The following INTS9 variants were observed in gnomAD, a reference collection of about 807,000 sequenced individuals.
INTS9 encodes integrator complex subunit 9, also known as protein related to CPSF subunits of 74 kDa.
In INTS9, 55 loss-of-function variants were observed where a neutral mutation model predicts 79.7. The observed-to-expected ratio is 0.69, with a 90% confidence interval of 0.56 to 0.86. INTS9 has a LOEUF of 0.86. INTS9 is among the 40% of genes least tolerant of loss of function. INTS9 has a pLI of 0.00. For missense variants in INTS9, 721 were observed against 831.5 expected (o/e 0.87, Z 1.64); for synonymous variants, 319 against 325.2 (o/e 0.98, Z 0.20).
At chr8:28,812,623 C>G (rs1441566468) in intron 7 of INTS9, among the ~76,000 whole-genome samples, 162 bp from the exon 8 acceptor site, 2 of 152,198 alleles carry the variant, frequency 1.3e-5, no homozygotes, top group Admixed American at 6.5e-5. Context: ...GTAATCCCAG[C>G]ACTTTGGGAG....
chr8:28,851,287 T>C (rs1807815851), intron 2 of INTS9, among the ~76,000 whole-genome samples: 1 of 152,006 alleles, frequency 6.6e-6, no homozygotes, highest in African/African-American at 2.4e-5. Context: ...AATTAGATGA[T>C]AGGTATGAAA....
In INTS9 at chr8:28,868,869, G is replaced by A. The variant is rs114419130; in HGVS notation, c.10-9306C>T. 3.4e-3 allele frequency among the ~76,000 whole-genome samples: 512 copies of A among 152,066 alleles called. 3 individuals carry two copies. Among genetic ancestry groups the A allele is most frequent in the African/African-American group, 0.012 (486 of 41,412 alleles). On this transcript the variant is annotated intron_variant, in intron 1 of 16. Coordinates refer to ENST00000521022, the MANE Select transcript of INTS9 (RefSeq NM_018250.4). ...TGTAATCCCAGCACTTTGGGAGGCCGAGACGGATCACCTCAGGCCAGGAGT... is the reference window on the plus strand; with the variant it reads ...TGTAATCCCAGCACTTTGGGAGGCCAAGACGGATCACCTCAGGCCAGGAGT...
intron 4 of INTS9, among the ~76,000 whole-genome samples, chr8:28,843,032 C>T (rs1183691517): frequency 6.6e-6 from 1 of 152,136 alleles, no homozygotes; most frequent in Non-Finnish European, 1.5e-5. Context: ...TTATGGGTGG[C>T]CAAGTGCATT....
At chr8:28,789,776 G>A (rs1482843451) in intron 10 of INTS9, among the ~76,000 whole-genome samples, 4 of 152,174 alleles carry the variant, frequency 2.6e-5, no homozygotes, top group Non-Finnish European at 4.4e-5. Context: ...TACTCAGGAG[G>A]CTGAGGTGGG....
intron 9 of INTS9, among the ~76,000 whole-genome samples, chr8:28,795,451 C>T (rs1377680892): frequency 6.6e-6 from 1 of 151,846 alleles, no homozygotes; most frequent in Non-Finnish European, 1.5e-5. Context: ...ACCAGATGGG[C>T]CAACATAGTG....
chr8:28,873,670 T>C (rs1431898912), intron 1 of INTS9, among the ~76,000 whole-genome samples: 4 of 152,202 alleles, frequency 2.6e-5, no homozygotes, highest in African/African-American at 9.7e-5. Context: ...CATCAAGCTG[T>C]ATGTATGCTT....
At chr8:28,801,501 ACAAAC>A (rs967164281) in intron 8 of INTS9, among the ~76,000 whole-genome samples, 10 of 69,878 alleles carry the variant, frequency 1.4e-4, no homozygotes, top group East Asian at 6.9e-4. Context: ...AAACAAACAA[ACAAAC>A]AAAAAAACAA....
At chr8:28,811,585 T>A (rs1456580756) in intron 8 of INTS9, among the ~76,000 whole-genome samples, 1 of 152,080 alleles carries the variant, frequency 6.6e-6, no homozygotes, top group East Asian at 1.9e-4. Context: ...CACACCCGGG[T>A]AATTTTTGTA....
intron 6 of INTS9, among the ~76,000 whole-genome samples, chr8:28,831,687 T>A (rs547873742): frequency 1.3e-5 from 2 of 152,218 alleles, no homozygotes; most frequent in South Asian, 4.1e-4. Flanking sequence ...GACCCAAGAT[T>A]TGGGAGTCAG....
intron 11 of INTS9, 136 bp from the exon 12 acceptor site, chr8:28,781,130 T>C (rs1803238157): frequency 1.5e-6 from 1 of 659,888 alleles, no homozygotes; most frequent in Non-Finnish European, 2.6e-6. Context: ...AGAAAATACC[T>C]GCAAAAGTCA....
intron 1 of INTS9, among the ~76,000 whole-genome samples, chr8:28,867,420 A>C (rs1452451391): frequency 6.7e-6 from 1 of 149,734 alleles, no homozygotes; most frequent in African/African-American, 2.5e-5. Context: ...CTCCGTCTAC[A>C]AAAAAAAATT....
At chr8:28,808,740 C>T (rs752879738) in intron 8 of INTS9, among the ~76,000 whole-genome samples, 1 of 152,168 alleles carries the variant, frequency 6.6e-6, no homozygotes, top group Non-Finnish European at 1.5e-5. Context: ...GGGCATTCAA[C>T]AAATGTTTCT....
intron 1 of INTS9, among the ~76,000 whole-genome samples, chr8:28,867,429 T>A (rs1038906213): frequency 6.7e-6 from 1 of 150,250 alleles, no homozygotes; most frequent in African/African-American, 2.5e-5. Flanking sequence ...CAAAAAAAAA[T>A]TAGCCAGGTG....
rs1805856614 is a variant in INTS9, at chr8:28,821,939, T to G, written c.489-8327A>C. 1.3e-5 allele frequency among the ~76,000 whole-genome samples: 2 copies of G among 152,048 alleles called. 1 individual carries two copies. Among genetic ancestry groups the G allele is most frequent in the South Asian group, 4.2e-4 (2 of 4,816 alleles). ...TGCGTGCCACCATGCCCGGCTCAGT[T>G]TATTTTTTGTAGAGATGGGATTTTG... On this transcript the variant is annotated intron_variant, in intron 6 of 16. Coordinates refer to ENST00000521022, the MANE Select transcript of INTS9 (RefSeq NM_018250.4).
chr8:28,768,080 A>G lies in INTS9; in HGVS notation c.*66T>C, dbSNP rs1240024151. ...TTAATGGCCTCTCATGCCACTCCTC[A>G]GGTGGCTTGTGAGGGCAGCCAGTGA... On this transcript the variant is annotated 3_prime_UTR_variant, in exon 17 of 17. Transcript: ENST00000521022. 6.9e-6 allele frequency: 10 copies of G among 1,444,164 alleles called. No individual in the cohort carries two copies. The highest frequency in any genetic ancestry group is 9.7e-6 in the Non-Finnish European group (10 of 1,030,652). 89.5% of individuals were successfully genotyped at this position (1,444,164 alleles called of 1,614,324 possible).
rs764578456 is a variant in INTS9, at chr8:28,775,917, C to A, written c.1405G>T (p.Val469Leu). 1 of 1,556,000 alleles carries A rather than the reference C, an allele frequency of 6.4e-7. No individual in the cohort carries two copies. Among genetic ancestry groups the A allele is most frequent in the Non-Finnish European group, 8.7e-7 (1 of 1,151,018 alleles). Residue 469 changes from valine (V) to leucine (L), a missense_variant, in exon 14 of 17, where the codon GTG (valine) becomes TTG (leucine). Val to Leu is a conservative substitution (Grantham distance 32). Around this residue, in one of 3 missense-constraint regions of INTS9, gnomAD observed 281 missense variants for 300.8 expected, o/e 0.93. Coordinates refer to ENST00000521022, the MANE Select transcript of INTS9 (RefSeq NM_018250.4). ...KLLKEVQPLH[V>L]VCPEQYTQPP... ...TGAGTGTACTGCTCAGGACACACCA[C>A]GTGCAGGGGCTGAGGAACCAATGGG... is the stretch of plus-strand genomic sequence containing the variant.
chr8:28,788,727 C>G (rs557429462), intron 10 of INTS9, among the ~76,000 whole-genome samples: 1 of 152,330 alleles, frequency 6.6e-6, no homozygotes, highest in Non-Finnish European at 1.5e-5. Context: ...CCCTCACACT[C>G]TTTTTAACAG....
intron 2 of INTS9, among the ~76,000 whole-genome samples, chr8:28,854,027 T>C (rs1808006011): frequency 6.6e-6 from 1 of 152,134 alleles, no homozygotes; most frequent in African/African-American, 2.4e-5. Flanking sequence ...GGCCCACAAT[T>C]TCTTTTTTAT....
intron 8 of INTS9, among the ~76,000 whole-genome samples, chr8:28,797,845 C>A (rs1804309297): frequency 6.6e-6 from 1 of 152,144 alleles, no homozygotes; most frequent in Non-Finnish European, 1.5e-5. Flanking sequence ...TCTCTCCCAC[C>A]CAATTTCGCA....
Sources: gnomAD v4.1 joint callset for allele counts (sites outside exome capture counted in the v4.1 genomes callset) on GRCh38, gnomAD v4.1.1 for gene constraint, gnomAD v4.1.1 regional missense constraint, MANE v1.5 for transcripts, NCBI Gene and HGNC (gene_info 2026-07-23, HGNC 2026-07-21) for gene names.